The following GSAP variants were observed in gnomAD, a reference collection of about 807,000 sequenced individuals.
GSAP encodes the protein gamma-secretase activating protein.
A neutral mutation model predicts 131.7 loss-of-function variants in GSAP; 118 were observed. That is an observed-to-expected ratio of 0.90 (90% confidence interval 0.77 to 1.04). GSAP has a LOEUF of 1.04. Among genes scored for constraint, GSAP ranks in the 50% least tolerant of loss-of-function variants. The pLI is 0.00. For missense variants in GSAP, 1,019 were observed against 1,013.2 expected, an observed-to-expected ratio of 1.01 and a Z score of -0.08; for synonymous variants, 381 against 363.4, an observed-to-expected ratio of 1.05 and a Z score of -0.55.
intron 22 of GSAP, chr7:77,328,382 T>C: frequency 7.8e-7 from 1 of 1,280,120 alleles, no homozygotes; most frequent in Non-Finnish European, 9.9e-7. Flanking sequence ...ACCCAGGGAC[T>C]CCCATCGCAA....
intron 12 of GSAP, among the ~76,000 whole-genome samples, chr7:77,370,521 C>T (rs1408534542): frequency 6.6e-6 from 1 of 152,066 alleles, no homozygotes; most frequent in Non-Finnish European, 1.5e-5. Flanking sequence ...CCTGCTCCCT[C>T]CATGTGAGCT....
intron 26 of GSAP, among the ~76,000 whole-genome samples, chr7:77,317,759 TCTAAAA>T (rs1787057302): frequency 6.6e-6 from 1 of 152,268 alleles, no homozygotes; most frequent in East Asian, 1.9e-4. Context: ...AATGAACAAA[TCTAAAA>T]CTGTCAATCC....
intron 6 of GSAP, among the ~76,000 whole-genome samples, chr7:77,385,900 G>T (rs552137001): frequency 6.6e-6 from 1 of 152,314 alleles, no homozygotes; most frequent in Admixed American, 6.5e-5. Flanking sequence ...CAAAAGAAAT[G>T]ATATTTTGAC....
At chr7:77,319,178 C>T (rs774228886) in intron 26 of GSAP, among the ~76,000 whole-genome samples, 37 of 152,194 alleles carry the variant, frequency 2.4e-4, no homozygotes, top group Middle Eastern at 6.8e-3. Flanking sequence ...ATATCTAAAA[C>T]ATATAAGGAA....
intron 3 of GSAP, 66 bp from the exon 4 acceptor site, chr7:77,397,481 A>G (rs1563116271): frequency 3.4e-6 from 3 of 890,562 alleles, no homozygotes; most frequent in Non-Finnish European, 5.4e-6. Flanking sequence ...TATGAACATA[A>G]ATTCCCATTA....
chr7:77,335,456 T>C (rs561585783), intron 19 of GSAP, among the ~76,000 whole-genome samples: 76 of 152,242 alleles, frequency 5.0e-4, no homozygotes, highest in African/African-American at 1.8e-3. Flanking sequence ...AGCAATCACA[T>C]CCTCAAGGAA....
At chr7:77,386,738 A>C (rs1798635428) in intron 6 of GSAP, among the ~76,000 whole-genome samples, 1 of 152,238 alleles carries the variant, frequency 6.6e-6, no homozygotes, top group South Asian at 2.1e-4. Context: ...CCATGAAAAC[A>C]ACTGTCATTT....
chr7:77,321,118 C>G (rs144199399), intron 25 of GSAP, among the ~76,000 whole-genome samples: 5 of 152,054 alleles, frequency 3.3e-5, no homozygotes, highest in Non-Finnish European at 7.4e-5. Context: ...GGTAAAGTAA[C>G]GGGCATAACT....
intron 10 of GSAP, among the ~76,000 whole-genome samples, chr7:77,375,334 G>A (rs977735908): frequency 3.3e-5 from 5 of 152,088 alleles, no homozygotes; most frequent in African/African-American, 1.2e-4. Flanking sequence ...ATTTCTTAAA[G>A]GGCTAATGCT....
Position 77,382,578 on chromosome 7 carries a change from C to A in GSAP, c.522G>T (p.Glu174Asp). 2 of 1,511,824 alleles carry A rather than the reference C, an allele frequency of 1.3e-6. No individual in the cohort carries two copies. The highest frequency in any genetic ancestry group is 1.1e-5 in the South Asian group (1 of 88,898). The allele number at this position is 1,511,824 out of a possible 1,614,324, so 93.7% of individuals were successfully genotyped here. ...PENHLLLISE[E>D]KYIEQFRIHV... ...TCCACCTAAAGATACACTTACATTT[C>A]TCTTCTGAAATCAGTAACAGATGGT... is the stretch of plus-strand genomic sequence containing the variant. The change falls in exon 7 of 31, where the codon GAG (glutamate) becomes GAT (aspartate). Residue 174 changes from glutamate (E) to aspartate (D), a missense_variant. Glu to Asp is a conservative substitution (Grantham distance 45). Transcript: ENST00000257626.
At chr7:77,314,667 A>C in intron 26 of GSAP, 178 bp from the exon 27 acceptor site, 1 of 585,850 alleles carries the variant, frequency 1.7e-6, no homozygotes, top group Non-Finnish European at 3.0e-6. Context: ...ACTAAATATC[A>C]CGCTGGGTCT....
At chr7:77,377,824 T>C (rs996695123) in intron 8 of GSAP, among the ~76,000 whole-genome samples, 6 of 152,194 alleles carry the variant, frequency 3.9e-5, no homozygotes, top group Admixed American at 2.0e-4. Flanking sequence ...CAGTGGAAAG[T>C]AGTAGGCAAT....
intron 24 of GSAP, among the ~76,000 whole-genome samples, chr7:77,322,289 G>C (rs1233734507): frequency 6.6e-6 from 1 of 152,214 alleles, no homozygotes; most frequent in Non-Finnish European, 1.5e-5. Context: ...CCTTAGAGGG[G>C]AGCAGAAGGC....
At position 77,311,816 on chromosome 7, in the gene GSAP, C is replaced by T. The variant is rs749425204; in HGVS notation, c.2473+25G>A. On this transcript the variant is annotated intron_variant, in intron 30 of 30. Transcript: ENST00000257626. The stretch of plus-strand genomic sequence containing the variant: ...ATGTGTCAAGGGAAAAGTGGTAAGA[C>T]CCTGAGAACAGGGGAGTAAATTACC... 2.8e-6 allele frequency: 3 copies of T among 1,086,852 alleles called. No individual in the cohort carries two copies. In the South Asian group the frequency reaches 3.7e-5, roughly 14 times the overall value. 67.3% of individuals were successfully genotyped at this position (1,086,852 alleles called of 1,614,324 possible).
At chr7:77,345,801 G>A (rs923540719) in intron 19 of GSAP, among the ~76,000 whole-genome samples, 10 of 152,060 alleles carry the variant, frequency 6.6e-5, no homozygotes, top group Non-Finnish European at 1.5e-4. Context: ...GACTCAGCCC[G>A]CCTGCACCCA....
chr7:77,365,157 AG>A (rs1303906189), intron 12 of GSAP, among the ~76,000 whole-genome samples: 1 of 137,212 alleles, frequency 7.3e-6, no homozygotes, highest in South Asian at 2.4e-4. Context: ...TATGTTACCC[AG>A]GGTGGTCTTG....
chr7:77,339,333 G>C (rs1002714432), intron 19 of GSAP, among the ~76,000 whole-genome samples: 1 of 152,312 alleles, frequency 6.6e-6, no homozygotes, highest in South Asian at 2.1e-4. Flanking sequence ...CTGGGAATGA[G>C]AATCTCCTGA....
intron 4 of GSAP, 93 bp downstream of exon 4, chr7:77,397,253 T>C (rs944212063): frequency 1.4e-4 from 115 of 828,030 alleles, no homozygotes; most frequent in Non-Finnish European, 2.0e-4. Flanking sequence ...ATTATTGTTA[T>C]AGAATAATTT....
intron 26 of GSAP, among the ~76,000 whole-genome samples, chr7:77,317,928 G>T (rs1486272624): frequency 6.6e-6 from 1 of 152,124 alleles, no homozygotes. Context: ...CCTCACAAAT[G>T]GTCCCTTTCA....
Sources: allele counts gnomAD v4.1 joint callset (sites outside exome capture counted in the v4.1 genomes callset), GRCh38; gene constraint gnomAD v4.1.1; transcripts MANE v1.5; gene names NCBI Gene and HGNC (gene_info 2026-07-23, HGNC 2026-07-21).